ZFAT: variants seen among roughly 807,000 people sequenced by gnomAD.
ZFAT encodes the protein zinc finger and AT-hook domain containing, also known as zinc finger protein ZFAT.
ZFAT carries 64 observed loss-of-function variants against 117.7 expected under a neutral mutation model. The ratio of observed to expected loss-of-function variants is 0.54; its 90% CI spans 0.44 to 0.67. The LOEUF is 0.67. ZFAT is among the 30% of genes least tolerant of loss of function. ZFAT has a pLI of 0.00. For synonymous variants in ZFAT, 679 were observed against 615.0 expected (o/e 1.10, Z -1.54); for missense variants, 1,433 against 1,584.5 (o/e 0.90, Z 1.62).
chr8:134,610,734 C>T (rs530276065), intron 3 of ZFAT, 79 bp from the exon 4 acceptor site: 14 of 1,514,596 alleles, frequency 9.2e-6, no homozygotes, highest in South Asian at 3.8e-5. Context: ...TACTCTTTCA[C>T]GGGACAGTAA....
chr8:134,750,551 TG>T, the ZFAT span, among the ~76,000 whole-genome samples: 1 of 152,190 alleles, frequency 6.6e-6, no homozygotes, highest in Non-Finnish European at 1.5e-5. Context: ...ATTATTTATA[TG>T]TTTTAAATGG....
chr8:134,731,633 G>T, the ZFAT span, among the ~76,000 whole-genome samples: 3 of 152,248 alleles, frequency 2.0e-5, no homozygotes, highest in East Asian at 5.8e-4. Flanking sequence ...TCATTAAGGT[G>T]CACAGCTATG....
At chr8:134,817,057 A>G in the ZFAT span, among the ~76,000 whole-genome samples, 105 of 152,242 alleles carry the variant, frequency 6.9e-4, no homozygotes, top group African/African-American at 2.5e-3. Flanking sequence ...AATGATATTA[A>G]TAGTTAATTT....
chr8:134,634,111 A>G (rs143985180), intron 3 of ZFAT, among the ~76,000 whole-genome samples: 1 of 152,228 alleles, frequency 6.6e-6, no homozygotes, highest in South Asian at 2.1e-4. Flanking sequence ...TTAAGCTACC[A>G]TGAGAATTAA....
chr8:134,768,326 A>G, the ZFAT span, among the ~76,000 whole-genome samples: 1 of 152,216 alleles, frequency 6.6e-6, no homozygotes, highest in Admixed American at 6.5e-5. Flanking sequence ...GACTCTTATA[A>G]GACAATTTAC....
chr8:134,507,724 A>AAT, intron 15 of ZFAT, among the ~76,000 whole-genome samples: 1 of 152,318 alleles, frequency 6.6e-6, no homozygotes, highest in South Asian at 2.1e-4. Flanking sequence ...TGCGAGGCTC[A>AAT]ATAAATCATG....
At chr8:134,810,676 A>G in the ZFAT span, among the ~76,000 whole-genome samples, 1 of 152,226 alleles carries the variant, frequency 6.6e-6, no homozygotes, top group Admixed American at 6.5e-5. Flanking sequence ...AATCTGTAAA[A>G]TAAGAAAACC....
intron 2 of ZFAT, among the ~76,000 whole-genome samples, chr8:134,638,794 G>A (rs73711286): frequency 0.03 from 4,552 of 152,026 alleles, 239 homozygotes; most frequent in African/African-American, 0.1. Context: ...TTGTGTGAAG[G>A]TGGAGGGGTG....
intron 15 of ZFAT, among the ~76,000 whole-genome samples, chr8:134,482,706 C>T (rs1817399905): frequency 1.3e-5 from 2 of 152,196 alleles, no homozygotes; most frequent in Non-Finnish European, 2.9e-5. Flanking sequence ...TATCAGAGTA[C>T]AAAAAAGTTT....
chr8:134,542,440 T>C (rs1490754706), intron 11 of ZFAT, among the ~76,000 whole-genome samples: 2 of 152,240 alleles, frequency 1.3e-5, no homozygotes, highest in Non-Finnish European at 1.5e-5. Context: ...AGTTTTTCAA[T>C]CCTCATCCTC....
At chr8:134,537,432 T>A (rs1821922672) in intron 11 of ZFAT, among the ~76,000 whole-genome samples, 1 of 152,220 alleles carries the variant, frequency 6.6e-6, no homozygotes, top group Admixed American at 6.5e-5. Flanking sequence ...GTGGCCCAGA[T>A]CTAAGTATCA....
chr8:134,488,598 C>A (rs945454315), intron 15 of ZFAT, among the ~76,000 whole-genome samples: 9 of 152,234 alleles, frequency 5.9e-5, no homozygotes, highest in Admixed American at 4.6e-4. Context: ...TAGGCCCTCT[C>A]TTCTGTCCAC....
the ZFAT span, among the ~76,000 whole-genome samples, chr8:134,733,067 G>A: frequency 6.5e-3 from 996 of 152,234 alleles, 10 homozygotes; most frequent in Non-Finnish European, 9.3e-3. Flanking sequence ...CAAGAAGAGG[G>A]CATACATGGA....
At chr8:134,734,064 T>C in the ZFAT span, among the ~76,000 whole-genome samples, 4 of 152,234 alleles carry the variant, frequency 2.6e-5, no homozygotes, top group Non-Finnish European at 5.9e-5. Flanking sequence ...CCCTCCTGCT[T>C]CAGGACGCCG....
At chr8:134,697,810 G>T (rs1328926036) in intron 1 of ZFAT, among the ~76,000 whole-genome samples, 1 of 148,942 alleles carries the variant, frequency 6.7e-6, no homozygotes, top group Non-Finnish European at 1.5e-5. Context: ...TAAATCCCTG[G>T]GCTCAAGTGA....
In ZFAT at chr8:134,583,587, C is replaced by T. The variant is rs183971170; in HGVS notation, c.2887+245G>A. Among the ~76,000 whole-genome samples the T allele has an allele frequency of 1.1e-4, 17 of 152,134 alleles. No homozygotes were observed. In the East Asian group the frequency reaches 3.1e-3, roughly 28 times the overall value. On this transcript the variant is annotated intron_variant, in intron 10 of 15. Transcript: ENST00000377838. ...CTCCTTTCCTGAAGCAGCTTCCCTCCCTGCATACCTCCACCACTGGCACCG... is the reference window on the plus strand; with the variant it reads ...CTCCTTTCCTGAAGCAGCTTCCCTCTCTGCATACCTCCACCACTGGCACCG...
intron 3 of ZFAT, among the ~76,000 whole-genome samples, chr8:134,632,026 C>A (rs1317336312): frequency 4.6e-5 from 7 of 152,064 alleles, no homozygotes; most frequent in Admixed American, 4.6e-4. Context: ...AAGATAATTC[C>A]TTTCCCTAGA....
At chr8:134,741,697 C>T in the ZFAT span, among the ~76,000 whole-genome samples, 1 of 152,156 alleles carries the variant, frequency 6.6e-6, no homozygotes. Flanking sequence ...TCCAGACCTT[C>T]CTTCTTAGCT....
chr8:134,616,181 C>T (rs901014936), intron 3 of ZFAT, among the ~76,000 whole-genome samples: 6 of 152,202 alleles, frequency 3.9e-5, no homozygotes, highest in Admixed American at 3.9e-4. Flanking sequence ...CTGAACCCAG[C>T]TCTCTCAACA....
Sources: allele counts gnomAD v4.1 joint callset (sites outside exome capture counted in the v4.1 genomes callset), GRCh38; gene constraint gnomAD v4.1.1; transcripts MANE v1.5; gene names NCBI Gene and HGNC (gene_info 2026-07-23, HGNC 2026-07-21).